CNTLN: variants seen among roughly 807,000 people sequenced by gnomAD.
CNTLN encodes centlein, also known as centlein, centrosomal protein.
A neutral mutation model predicts 180.0 loss-of-function variants in CNTLN; 212 were observed. That is an observed-to-expected ratio of 1.18 (90% confidence interval 1.05 to 1.32). The LOEUF is 1.32. CNTLN is among the 40% of genes most tolerant of loss of function. CNTLN has a pLI of 0.00. For missense variants in CNTLN, 2,095 were observed against 1,610.9 expected, an observed-to-expected ratio of 1.30 and a Z score of -5.14; for synonymous variants, 722 against 563.1, an observed-to-expected ratio of 1.28 and a Z score of -3.99.
the CNTLN span, among the ~76,000 whole-genome samples, chr9:17,512,975 C>A: frequency 6.6e-6 from 1 of 152,038 alleles, no homozygotes; most frequent in African/African-American, 2.4e-5. Flanking sequence ...CACCACTATG[C>A]CCAGCTAATT....
rs908701407 is a variant in CNTLN at position 17,319,791 on chromosome 9, A to AT, written c.1341+10549dup. Among the ~76,000 whole-genome samples, 84 of 150,610 alleles carry AT rather than the reference A, an allele frequency of 5.6e-4. 1 individual carries two copies. Among genetic ancestry groups the AT allele is most frequent in the African/African-American group, 1.8e-3 (74 of 41,008 alleles). The stretch of plus-strand genomic sequence containing the variant: ...GGAAGAGACTTGTTAGTAAATTGAG[A>AT]TTTTTTTTTTCTTATATTGGTGGGG... On this transcript the variant is annotated intron_variant, in intron 8 of 25. Transcript: ENST00000380647.
intron 12 of CNTLN, among the ~76,000 whole-genome samples, chr9:17,348,357 TATC>T (rs1249252007): frequency 2.0e-5 from 3 of 152,152 alleles, no homozygotes; most frequent in East Asian, 1.9e-4. Flanking sequence ...CCTCTGATGA[TATC>T]ATGCCTGAGG....
At chr9:17,254,031 A>T (rs982871231) in intron 5 of CNTLN, among the ~76,000 whole-genome samples, 5 of 151,642 alleles carry the variant, frequency 3.3e-5, no homozygotes, top group African/African-American at 1.2e-4. Flanking sequence ...AATTGAGATG[A>T]TCAGATTATT....
intron 6 of CNTLN, among the ~76,000 whole-genome samples, chr9:17,288,417 T>A (rs1407287598): frequency 7.0e-6 from 1 of 142,456 alleles, no homozygotes; most frequent in East Asian, 2.0e-4. Flanking sequence ...TGAGGAGAAC[T>A]TTACTTCCCA....
intron 18 of CNTLN, among the ~76,000 whole-genome samples, chr9:17,429,194 C>T (rs1829265835): frequency 6.6e-6 from 1 of 151,982 alleles, no homozygotes; most frequent in Non-Finnish European, 1.5e-5. Flanking sequence ...TAAGCAGATT[C>T]ATAGTAGCAA....
At chr9:17,491,441 T>C (rs1382243166) in intron 25 of CNTLN, among the ~76,000 whole-genome samples, 2 of 152,144 alleles carry the variant, frequency 1.3e-5, no homozygotes, top group African/African-American at 4.8e-5. Flanking sequence ...TTAAAATATG[T>C]ATATATGTAT....
At chr9:17,486,037 C>A (rs1832873330) in intron 24 of CNTLN, among the ~76,000 whole-genome samples, 3 of 152,030 alleles carry the variant, frequency 2.0e-5, no homozygotes, top group African/African-American at 4.8e-5. Flanking sequence ...TAAATCAAGT[C>A]CCTCCTGAAA....
At chr9:17,435,607 A>T (rs976077573) in intron 18 of CNTLN, among the ~76,000 whole-genome samples, 14 of 147,160 alleles carry the variant, frequency 9.5e-5, no homozygotes, top group Non-Finnish European at 1.8e-4. Flanking sequence ...ATTGCCTAGG[A>T]TGGAGTGCAG....
intron 2 of CNTLN, among the ~76,000 whole-genome samples, chr9:17,187,627 T>G (rs1821513784): frequency 6.6e-6 from 1 of 151,984 alleles, no homozygotes; most frequent in South Asian, 2.1e-4. Flanking sequence ...GACTAGCATT[T>G]TCTTATTTTC....
At chr9:17,413,941 GA>G (rs1828040986) in intron 16 of CNTLN, among the ~76,000 whole-genome samples, 1 of 152,154 alleles carries the variant, frequency 6.6e-6, no homozygotes, top group African/African-American at 2.4e-5. Context: ...TGTAATAGCT[GA>G]AAACTGGGAA....
chr9:17,378,656 C>G (rs1325261448), intron 13 of CNTLN, among the ~76,000 whole-genome samples: 4 of 151,774 alleles, frequency 2.6e-5, no homozygotes. Context: ...TCTTTTCTTC[C>G]TTTGTGGCTT....
At chr9:17,476,327 G>T (rs781631227) in intron 23 of CNTLN, among the ~76,000 whole-genome samples, 4 of 152,204 alleles carry the variant, frequency 2.6e-5, no homozygotes, top group Non-Finnish European at 5.9e-5. Flanking sequence ...CAATATTGCA[G>T]TTAGGCCAAC....
chr9:17,226,251 G>T lies in CNTLN; in HGVS notation c.498G>T (p.Leu166=). 1 of 1,580,622 alleles carries T rather than the reference G, an allele frequency of 6.3e-7. No individual in the cohort carries two copies. ...AAGACAGAAAAGTTCTAGAAATTCTGCAAGTCAAGGATGCCAAAATACAAG... is the reference window on the plus strand; with the variant it reads ...AAGACAGAAAAGTTCTAGAAATTCTTCAAGTCAAGGATGCCAAAATACAAG... ...EAKDRKVLEI[L]QVKDAKIQEF... is the part of the protein sequence containing the mutation. The change falls in exon 3 of 26, where the codon CTG becomes CTT. Residue 166 remains leucine (L), a synonymous_variant. Coordinates refer to ENST00000380647, the MANE Select transcript of CNTLN (RefSeq NM_017738.4).
chr9:17,486,666 C>A (rs1832904793), intron 24 of CNTLN, among the ~76,000 whole-genome samples: 1 of 152,032 alleles, frequency 6.6e-6, no homozygotes, highest in Admixed American at 6.6e-5. Context: ...GTAAATGATT[C>A]TTTTATATAA....
At chr9:17,284,337 G>C (rs546103843) in intron 6 of CNTLN, among the ~76,000 whole-genome samples, 85 of 152,256 alleles carry the variant, frequency 5.6e-4, no homozygotes, top group Non-Finnish European at 9.4e-4. Context: ...GGAAGGAATG[G>C]TACTAGCTCC....
chr9:17,516,245 A>G, the CNTLN span, among the ~76,000 whole-genome samples: 1 of 152,212 alleles, frequency 6.6e-6, no homozygotes, highest in Middle Eastern at 3.2e-3. Flanking sequence ...TCTTAGTGGT[A>G]CCATGTTGCA....
At chr9:17,267,039 TTTAAAG>T (rs1265246793) in intron 5 of CNTLN, among the ~76,000 whole-genome samples, 1 of 152,200 alleles carries the variant, frequency 6.6e-6, no homozygotes, top group Non-Finnish European at 1.5e-5. Context: ...CCCATTTACA[TTTAAAG>T]TTAATGTTGT....
chr9:17,499,823 C>T (rs1212870078), intron 25 of CNTLN, among the ~76,000 whole-genome samples: 1 of 151,970 alleles, frequency 6.6e-6, no homozygotes, highest in African/African-American at 2.4e-5. Context: ...TTTTGGAAGA[C>T]CTCTTTGAAA....
chr9:17,185,692 C>G (rs1372480862), intron 2 of CNTLN, among the ~76,000 whole-genome samples: 2 of 151,910 alleles, frequency 1.3e-5, no homozygotes, highest in African/African-American at 4.8e-5. Context: ...ATGGAAAGAT[C>G]TTTCCTATCT....
Sources: allele counts gnomAD v4.1 joint callset (sites outside exome capture counted in the v4.1 genomes callset), GRCh38; gene constraint gnomAD v4.1.1; transcripts MANE v1.5; gene names NCBI Gene and HGNC (gene_info 2026-07-23, HGNC 2026-07-21).